The following VPS13A variants were observed in gnomAD, a reference collection of about 807,000 sequenced individuals.
The protein encoded by VPS13A is vacuolar protein sorting 13 homolog A, also known as intermembrane lipid transfer protein VPS13A.
VPS13A carries 264 observed loss-of-function variants against 390.9 expected under a neutral mutation model. The observed-to-expected ratio is 0.68, with a 90% CI of 0.61 to 0.75. VPS13A has a LOEUF of 0.75. Among genes scored for constraint, VPS13A ranks in the 30% least tolerant of loss-of-function variants. The probability of loss-of-function intolerance (pLI) is 0.00; values close to 1 mark genes in which losing one functional copy is unlikely to be tolerated. For missense variants in VPS13A, 3,409 were observed against 3,733.9 expected (o/e 0.91, Z 2.27); for synonymous variants, 1,231 against 1,227.1 (o/e 1.00, Z -0.07).
intron 22 of VPS13A, among the ~76,000 whole-genome samples, chr9:77,256,874 C>T (rs1341201297): frequency 2.0e-5 from 3 of 150,564 alleles, no homozygotes; most frequent in Non-Finnish European, 4.4e-5. Flanking sequence ...TCACTTTTAA[C>T]CTGTGTGTTT....
intron 27 of VPS13A, 51 bp from the exon 28 acceptor site, chr9:77,281,816 T>C: frequency 8.6e-7 from 1 of 1,167,144 alleles, no homozygotes; most frequent in East Asian, 2.4e-5. Context: ...TGTGATTGTA[T>C]ATGTATGTCT....
chr9:77,407,426 T>G, intron 70 of VPS13A, 107 bp from the exon 71 acceptor site: 1 of 880,224 alleles, frequency 1.1e-6, no homozygotes, highest in Non-Finnish European at 1.9e-6. Flanking sequence ...GCATGATTTG[T>G]ATAAGAGGGA....
intron 17 of VPS13A, among the ~76,000 whole-genome samples, chr9:77,235,643 T>C (rs2131222587): frequency 6.6e-6 from 1 of 152,306 alleles, no homozygotes; most frequent in South Asian, 2.1e-4. Context: ...TCTTTTTCTT[T>C]TTCTCATGTC....
chr9:77,408,242 A>T (rs1834723645), intron 71 of VPS13A, among the ~76,000 whole-genome samples: 1 of 152,240 alleles, frequency 6.6e-6, no homozygotes, highest in Non-Finnish European at 1.5e-5. Context: ...GACCTCATTG[A>T]TCACAACTGA....
At chr9:77,382,978 C>T in intron 68 of VPS13A, 2 of 985,144 alleles carry the variant, frequency 2.0e-6, no homozygotes, top group Non-Finnish European at 2.4e-6. Flanking sequence ...AGGTGGAATA[C>T]TAAATTAAAT....
intron 22 of VPS13A, among the ~76,000 whole-genome samples, chr9:77,259,351 A>G (rs1437850911): frequency 6.6e-6 from 1 of 152,250 alleles, no homozygotes; most frequent in Non-Finnish European, 1.5e-5. Flanking sequence ...TAACAAAGTT[A>G]AACTACTACT....
intron 68 of VPS13A, among the ~76,000 whole-genome samples, chr9:77,402,058 T>G (rs181207071): frequency 6.6e-6 from 1 of 152,312 alleles, no homozygotes; most frequent in Non-Finnish European, 1.5e-5. Context: ...GGAGAACTAC[T>G]GTAATTCATA....
intron 46 of VPS13A, among the ~76,000 whole-genome samples, chr9:77,334,149 A>G (rs1457321250): frequency 1.3e-5 from 2 of 152,214 alleles, no homozygotes; most frequent in East Asian, 3.8e-4. Context: ...ATGAACAAAG[A>G]TAAGGAAGCA....
intron 23 of VPS13A, among the ~76,000 whole-genome samples, chr9:77,262,862 T>A (rs1340956480): frequency 6.6e-6 from 1 of 152,194 alleles, no homozygotes; most frequent in Non-Finnish European, 1.5e-5. Context: ...GTTCTAAGTC[T>A]TTGCTATTGT....
At chr9:77,314,229 C>A in intron 36 of VPS13A, 110 bp downstream of exon 36, 1 of 1,219,802 alleles carries the variant, frequency 8.2e-7, no homozygotes. Context: ...AGTATCTGTC[C>A]CTCTGAGAAA....
chr9:77,413,876 T>A (rs1028175083), intron 71 of VPS13A, among the ~76,000 whole-genome samples: 9 of 152,026 alleles, frequency 5.9e-5, no homozygotes, highest in African/African-American at 1.9e-4. Context: ...GAATCTACAA[T>A]GAACTCAAAC....
intron 13 of VPS13A, among the ~76,000 whole-genome samples, chr9:77,224,337 T>TA (rs1823389065): frequency 1.3e-5 from 2 of 152,198 alleles, no homozygotes; most frequent in Non-Finnish European, 2.9e-5. Flanking sequence ...CCTTATGAAG[T>TA]AGGCAGCTAT....
At chr9:77,211,680 G>A (rs2131148029) in intron 7 of VPS13A, 1 of 152,264 alleles carries the variant, frequency 6.6e-6, no homozygotes, top group Non-Finnish European at 1.5e-5. Context: ...AATAAGAATG[G>A]AGAATTAGCC....
At position 77,207,213 on chromosome 9, in the gene VPS13A, TTATATATATATATA is replaced by T. The variant is rs61703004; in HGVS notation, c.385+1161_385+1174del. The stretch of plus-strand genomic sequence containing the variant: ...CTCTGTGTCTTGATTTATTTAGATA[TTATATATATATATA>T]TATATATATATATATATATATATAT... On this transcript the variant is annotated intron_variant, in intron 5 of 71. Coordinates refer to ENST00000360280, the MANE Select transcript of VPS13A (RefSeq NM_033305.3). 1.4e-3 allele frequency among the ~76,000 whole-genome samples: 60 copies of T among 43,126 alleles called. 1 individual carries two copies. Among genetic ancestry groups the T allele is most frequent in the East Asian group, 5.5e-3 (5 of 908 alleles). 28.3% of individuals were successfully genotyped at this position (43,126 alleles called of 152,430 possible).
chr9:77,268,395 T>C (rs1826155372), intron 23 of VPS13A, among the ~76,000 whole-genome samples: 2 of 152,128 alleles, frequency 1.3e-5, no homozygotes, highest in South Asian at 4.1e-4. Context: ...CCTTTGGCTA[T>C]GGGAGGGAGT....
chr9:77,236,023 G>T (rs1014447695), intron 17 of VPS13A, among the ~76,000 whole-genome samples: 3 of 152,128 alleles, frequency 2.0e-5, no homozygotes, highest in African/African-American at 7.2e-5. Context: ...TGTGTTAGAT[G>T]ATTTTTCCCA....
intron 10 of VPS13A, among the ~76,000 whole-genome samples, chr9:77,217,820 G>T (rs1268901515): frequency 6.9e-6 from 1 of 145,938 alleles, no homozygotes; most frequent in African/African-American, 2.5e-5. Context: ...CTTTTCTTTC[G>T]GGTAGATACC....
At chr9:77,234,904 CTAACT>C (rs1177178085) in intron 17 of VPS13A, among the ~76,000 whole-genome samples, 1 of 152,132 alleles carries the variant, frequency 6.6e-6, no homozygotes, top group Non-Finnish European at 1.5e-5. Flanking sequence ...TGAATTGACA[CTAACT>C]TAACTTTAAT....
intron 55 of VPS13A, among the ~76,000 whole-genome samples, chr9:77,357,333 A>G (rs1831860357): frequency 1.5e-5 from 2 of 131,072 alleles, no homozygotes; most frequent in Non-Finnish European, 3.6e-5. Flanking sequence ...AAAAAAAAAA[A>G]AAAAAAAAAG....
Sources: gnomAD v4.1 joint callset for allele counts (sites outside exome capture counted in the v4.1 genomes callset) on GRCh38, gnomAD v4.1.1 for gene constraint, MANE v1.5 for transcripts, NCBI Gene and HGNC (gene_info 2026-07-23, HGNC 2026-07-21) for gene names.